MAN1C1: variants seen among roughly 807,000 people sequenced by gnomAD.
The protein encoded by MAN1C1 is mannosidase alpha class 1C member 1.
MAN1C1 carries 49 observed loss-of-function variants against 71.5 expected under a neutral mutation model. The ratio of observed to expected loss-of-function variants is 0.69; its 90% CI spans 0.54 to 0.87. The LOEUF (loss-of-function observed/expected upper bound fraction) is 0.87. Ranked by LOEUF, MAN1C1 falls within the 40% of genes least tolerant of loss-of-function variation. The pLI, the probability that MAN1C1 is intolerant of heterozygous loss-of-function variation, is 0.00. For missense variants in MAN1C1, 743 were observed against 835.0 expected, an observed-to-expected ratio of 0.89 and a Z score of 1.36; for synonymous variants, 352 against 343.7, an observed-to-expected ratio of 1.02 and a Z score of -0.27.
chr1:25,727,317 G>A lies in MAN1C1; in HGVS notation c.638-19351G>A, dbSNP rs115278122. On this transcript the variant is annotated intron_variant, in intron 2 of 11. Transcript: ENST00000374332. ...GAAATGGATACTTCATGTCCTTGTC[G>A]TAGTCCAGGGCACTGGTGGTATTTC... 4.4e-3 allele frequency among the ~76,000 whole-genome samples: 672 copies of A among 152,270 alleles called. 7 individuals carry two copies. Among genetic ancestry groups the A allele is most frequent in the African/African-American group, 0.015 (633 of 41,558 alleles).
chr1:25,767,943 A>C, intron 7 of MAN1C1, among the ~76,000 whole-genome samples: 1 of 58,188 alleles, frequency 1.7e-5, no homozygotes, highest in Non-Finnish European at 2.9e-5. Flanking sequence ...ACACACCCAC[A>C]CTCCCCTCAC....
chr1:25,757,148 C>T (rs1289607755), intron 5 of MAN1C1, among the ~76,000 whole-genome samples: 1 of 152,206 alleles, frequency 6.6e-6, no homozygotes, highest in Non-Finnish European at 1.5e-5. Flanking sequence ...TCAGGGGATC[C>T]CCAGCCCTAT....
intron 1 of MAN1C1, among the ~76,000 whole-genome samples, chr1:25,667,313 G>T (rs1015602542): frequency 1.6e-4 from 24 of 151,702 alleles, no homozygotes; most frequent in Non-Finnish European, 3.1e-4. Context: ...GTGAAGCCCG[G>T]TCTCTACTAA....
intron 7 of MAN1C1, among the ~76,000 whole-genome samples, chr1:25,770,224 G>C (rs2047531703): frequency 6.6e-6 from 1 of 152,160 alleles, no homozygotes; most frequent in South Asian, 2.1e-4. Context: ...GCCCACCCCA[G>C]CCCTTTCCAG....
At chr1:25,768,005 C>CT (rs377485419) in intron 7 of MAN1C1, among the ~76,000 whole-genome samples, 2 of 47,530 alleles carry the variant, frequency 4.2e-5, no homozygotes, top group Non-Finnish European at 8.6e-5. Flanking sequence ...ATACACTCCC[C>CT]CACACACACA....
At chr1:25,664,276 T>C (rs1042898038) in intron 1 of MAN1C1, among the ~76,000 whole-genome samples, 3 of 151,378 alleles carry the variant, frequency 2.0e-5, no homozygotes, top group Non-Finnish European at 4.4e-5. Flanking sequence ...TTTTTTTTAA[T>C]TTTAATCCCT....
intron 5 of MAN1C1, among the ~76,000 whole-genome samples, chr1:25,756,173 T>C (rs1013528530): frequency 4.6e-5 from 7 of 152,158 alleles, no homozygotes; most frequent in Non-Finnish European, 8.8e-5. Context: ...AAAATGACAA[T>C]ACTTACATGC....
intron 6 of MAN1C1, chr1:25,761,051 A>G (rs768185653): frequency 6.6e-6 from 1 of 152,274 alleles, no homozygotes; most frequent in Non-Finnish European, 1.5e-5. Context: ...TGGCTCTGCC[A>G]CTTAAGGACC....
intron 7 of MAN1C1, among the ~76,000 whole-genome samples, chr1:25,767,379 C>T (rs1241589237): frequency 2.7e-5 from 1 of 37,506 alleles, no homozygotes. Context: ...CGTCCACACT[C>T]CACACACACA....
chr1:25,749,084 G>A (rs529024705), intron 3 of MAN1C1, among the ~76,000 whole-genome samples, 171 bp from the exon 4 acceptor site: 1 of 152,342 alleles, frequency 6.6e-6, no homozygotes, highest in South Asian at 2.1e-4. Flanking sequence ...AGTTCTGCCA[G>A]GCAGGTGCAG....
At chr1:25,618,785 T>C (rs922798045) in intron 1 of MAN1C1, among the ~76,000 whole-genome samples, 7 of 152,106 alleles carry the variant, frequency 4.6e-5, no homozygotes, top group Non-Finnish European at 1.0e-4. Flanking sequence ...AAAACCCCTA[T>C]AGGACCTGCT....
At chr1:25,651,966 G>A (rs867638395) in intron 1 of MAN1C1, among the ~76,000 whole-genome samples, 1 of 151,644 alleles carries the variant, frequency 6.6e-6, no homozygotes, top group Admixed American at 6.6e-5. Flanking sequence ...CCTGCCTGCC[G>A]GGGCCAGAGA....
intron 2 of MAN1C1, among the ~76,000 whole-genome samples, chr1:25,740,011 G>C (rs377742629): frequency 6.6e-6 from 1 of 152,168 alleles, no homozygotes. Flanking sequence ...GGGCCCCCGT[G>C]GGGGCTGGAA....
intron 2 of MAN1C1, among the ~76,000 whole-genome samples, chr1:25,729,031 C>T (rs919772041): frequency 2.0e-5 from 3 of 152,338 alleles, no homozygotes; most frequent in African/African-American, 7.2e-5. Context: ...CTTGCCCCTT[C>T]GTTAGCTTCT....
chr1:25,729,333 A>G (rs2046877677), intron 2 of MAN1C1, among the ~76,000 whole-genome samples: 1 of 152,214 alleles, frequency 6.6e-6, no homozygotes, highest in South Asian at 2.1e-4. Context: ...TCACAGGTCC[A>G]TGAGGCTTCC....
chr1:25,654,020 A>C (rs2045728590), intron 1 of MAN1C1, among the ~76,000 whole-genome samples: 1 of 152,136 alleles, frequency 6.6e-6, no homozygotes, highest in Non-Finnish European at 1.5e-5. Context: ...CTGGCCCAAC[A>C]TGTCAGCAGT....
intron 1 of MAN1C1, among the ~76,000 whole-genome samples, chr1:25,677,873 T>A (rs1000137878): frequency 2.1e-5 from 3 of 140,262 alleles, no homozygotes; most frequent in African/African-American, 8.8e-5. Context: ...TTTTTTTTTT[T>A]AATCAAAACC....
At chr1:25,691,249 G>A (rs1278545500) in intron 2 of MAN1C1, among the ~76,000 whole-genome samples, 1 of 152,164 alleles carries the variant, frequency 6.6e-6, no homozygotes, top group African/African-American at 2.4e-5. Context: ...CCCATGAGGT[G>A]GAGGTTGCAA....
At chr1:25,682,432 G>A (rs1410815828) in intron 1 of MAN1C1, among the ~76,000 whole-genome samples, 1 of 152,200 alleles carries the variant, frequency 6.6e-6, no homozygotes, top group African/African-American at 2.4e-5. Flanking sequence ...TGACCAGAGC[G>A]ACTGTGCACT....
Sources: allele counts gnomAD v4.1 joint callset (sites outside exome capture counted in the v4.1 genomes callset), GRCh38; gene constraint gnomAD v4.1.1; transcripts MANE v1.5; gene names NCBI Gene and HGNC (gene_info 2026-07-23, HGNC 2026-07-21).